The following EDA2R variants were observed in gnomAD, a reference collection of about 807,000 sequenced individuals.
EDA2R encodes the protein ectodysplasin A2 receptor, also known as tumor necrosis factor receptor superfamily member 27.
EDA2R carries 26 observed loss-of-function variants against 20.1 expected under a neutral mutation model. That is an observed-to-expected ratio of 1.30 (90% CI 0.95 to 1.80). The LOEUF (loss-of-function observed/expected upper bound fraction) is 1.80, where lower values mean the gene tolerates loss of function less well. Ranked by LOEUF, EDA2R falls within the 40% of genes most tolerant of loss-of-function variation. The probability of loss-of-function intolerance (pLI) is 0.00; values close to 1 mark genes in which losing one functional copy is unlikely to be tolerated. For synonymous variants in EDA2R, 114 were observed against 88.7 expected, an observed-to-expected ratio of 1.29 and a Z score of -1.60; for missense variants, 277 against 228.7, an observed-to-expected ratio of 1.21 and a Z score of -1.36.
At chrX:66,615,566 GTCT>G (rs1931532467) in intron 2 of EDA2R, among the ~76,000 whole-genome samples, 2 of 111,709 alleles carry the variant, frequency 1.8e-5, no homozygotes, top group Admixed American at 1.9e-4. Context: ...TAGAACAGAG[GTCT>G]TCTTGGCTCT....
chrX:66,603,842 G>T (rs781076276), intron 4 of EDA2R, among the ~76,000 whole-genome samples: 1 of 111,572 alleles, frequency 9.0e-6, no homozygotes, highest in South Asian at 3.7e-4. Flanking sequence ...ATAGATGCTG[G>T]GTGATTGCAT....
At position 66,599,700 on chromosome X, in the gene EDA2R, A is replaced by G; in HGVS notation, c.678T>C (p.Ser226=). The stretch of plus-strand genomic sequence containing the variant: ...TAAAGGACTCCTGTGTGGGGAAGCC[A>G]CTAGTCGAGCTGCAGTCGTCCTCGA... ...PILEDDCSST[S]GFPTQESFTM... The change falls in exon 6 of 7, where the codon AGT becomes AGC. Residue 226 remains serine (S), a synonymous_variant. Coordinates refer to ENST00000374719, the MANE Select transcript of EDA2R (RefSeq NM_021783.5). The G allele has an allele frequency of 8.3e-7, 1 of 1,209,527 alleles. No homozygotes were observed. Among genetic ancestry groups the G allele is most frequent in the Non-Finnish European group, 1.1e-6 (1 of 894,645 alleles).
intron 4 of EDA2R, among the ~76,000 whole-genome samples, chrX:66,603,502 G>C (rs1034327198): frequency 9.0e-6 from 1 of 111,601 alleles, no homozygotes; most frequent in Non-Finnish European, 1.9e-5. Flanking sequence ...GAACCAGTAT[G>C]TCTCCTCCAT....
intron 1 of EDA2R, among the ~76,000 whole-genome samples, chrX:66,633,751 T>A (rs1462618830): frequency 9.0e-6 from 1 of 111,687 alleles, no homozygotes; most frequent in Non-Finnish European, 1.9e-5. Flanking sequence ...AATAAAAAAA[T>A]TAGTTACTCA....
intron 4 of EDA2R, among the ~76,000 whole-genome samples, chrX:66,604,205 C>G (rs1929204958): frequency 8.9e-6 from 1 of 111,850 alleles, no homozygotes; most frequent in Non-Finnish European, 1.9e-5. Context: ...CATGACTCAC[C>G]CTTTTTTCAG....
At chrX:66,631,331 T>C (rs1221511772) in intron 1 of EDA2R, among the ~76,000 whole-genome samples, 1 of 110,911 alleles carries the variant, frequency 9.0e-6, no homozygotes, top group Non-Finnish European at 1.9e-5. Flanking sequence ...TGCAACCAAA[T>C]ACCACCTGTA....
At chrX:66,598,715 G>A (rs949094414) in intron 6 of EDA2R, among the ~76,000 whole-genome samples, 4 of 112,099 alleles carry the variant, frequency 3.6e-5, no homozygotes, top group African/African-American at 9.7e-5. Flanking sequence ...ATTTGTTCAC[G>A]TTTTCTTAGG....
In EDA2R at chrX:66,599,675, T is replaced by C. The variant is rs1338467731; in HGVS notation, c.703A>G (p.Thr235Ala). 7.5e-6 allele frequency: 9 copies of C among 1,206,311 alleles called. No individual in the cohort carries two copies. The highest frequency in any genetic ancestry group is 1.0e-5 in the Non-Finnish European group (9 of 893,708). The change falls in exon 6 of 7, where the codon ACC (threonine) becomes GCC (alanine). Residue 235 changes from threonine to alanine, a missense_variant. Physicochemically the swap from Thr to Ala is moderately conservative, Grantham distance 58 (BLOSUM62 0). Transcript: ENST00000374719. ...CTCTCTGAGGTGCAGGAGGCCATGG[T>C]AAAGGACTCCTGTGTGGGGAAGCCA... ...TSGFPTQESF[T>A]MASCTSESHS... is the part of the protein sequence containing the mutation.
chrX:66,598,949 G>T (rs1383531468), intron 6 of EDA2R, among the ~76,000 whole-genome samples: 1 of 111,607 alleles, frequency 9.0e-6, no homozygotes, highest in Non-Finnish European at 1.9e-5. Flanking sequence ...CTGGGTTCTT[G>T]CACAGTTCTA....
intron 1 of EDA2R, among the ~76,000 whole-genome samples, chrX:66,618,099 C>T (rs894783899): frequency 3.6e-5 from 4 of 111,692 alleles, no homozygotes; most frequent in African/African-American, 1.3e-4. Context: ...ATTGGTCAGG[C>T]TGGTCTCGAA....
At chrX:66,605,264 G>A (rs770640367) in intron 2 of EDA2R, 38 bp from the exon 3 acceptor site, 5 of 1,153,403 alleles carry the variant, frequency 4.3e-6, no homozygotes, top group Non-Finnish European at 5.8e-6. Context: ...TGCTTTATAG[G>A]AGCTTGGAGA....
At chrX:66,633,866 G>T (rs945464676) in intron 1 of EDA2R, among the ~76,000 whole-genome samples, 6 of 111,879 alleles carry the variant, frequency 5.4e-5, no homozygotes, top group Non-Finnish European at 3.8e-5. Context: ...TTGCAGGATT[G>T]GGACTGGATA....
chrX:66,629,830 CA>C (rs978781992), intron 1 of EDA2R, among the ~76,000 whole-genome samples: 8 of 106,060 alleles, frequency 7.5e-5, no homozygotes, highest in Admixed American at 1.0e-4. Flanking sequence ...CACAGAATTA[CA>C]AAAAAAAAAT....
chrX:66,620,960 A>G (rs426712), intron 1 of EDA2R, among the ~76,000 whole-genome samples: 1 of 64,271 alleles, frequency 1.6e-5, no homozygotes, highest in African/African-American at 5.3e-5. Flanking sequence ...CTTTATATCC[A>G]CTACCAAAAA....
intron 2 of EDA2R, among the ~76,000 whole-genome samples, chrX:66,607,721 A>G (rs1397043733): frequency 8.9e-6 from 1 of 112,065 alleles, no homozygotes; most frequent in Non-Finnish European, 1.9e-5. Flanking sequence ...AACCAAAACC[A>G]AAAGTAAAAC....
intron 6 of EDA2R, among the ~76,000 whole-genome samples, chrX:66,598,934 C>T (rs1025233153): frequency 9.0e-6 from 1 of 111,494 alleles, no homozygotes; most frequent in South Asian, 3.8e-4. Flanking sequence ...ATGTAGCCCC[C>T]AAACCTGGGT....
At chrX:66,608,334 C>T (rs1365135401) in intron 2 of EDA2R, among the ~76,000 whole-genome samples, 1 of 110,683 alleles carries the variant, frequency 9.0e-6, no homozygotes, top group Non-Finnish European at 1.9e-5. Context: ...TAAATTAACC[C>T]ATCCAAGATG....
At chrX:66,610,304 C>CAT (rs1930516415) in intron 2 of EDA2R, among the ~76,000 whole-genome samples, 1 of 110,220 alleles carries the variant, frequency 9.1e-6, no homozygotes, top group Non-Finnish European at 1.9e-5. Flanking sequence ...CACACACACA[C>CAT]ACACACACAC....
At chrX:66,604,966 T>A in intron 3 of EDA2R, 82 bp downstream of exon 3, 1 of 857,140 alleles carries the variant, frequency 1.2e-6, no homozygotes, top group Non-Finnish European at 1.6e-6. Context: ...ATATTTCGAC[T>A]AAGTTCTGAG....
Sources: allele counts gnomAD v4.1 joint callset (sites outside exome capture counted in the v4.1 genomes callset), GRCh38; gene constraint gnomAD v4.1.1; transcripts MANE v1.5; gene names NCBI Gene and HGNC (gene_info 2026-07-23, HGNC 2026-07-21).